The following PRKAR1B variants were observed in gnomAD, a reference collection of about 807,000 sequenced individuals.
PRKAR1B encodes the protein protein kinase cAMP-dependent type I regulatory subunit beta.
A neutral mutation model predicts 46.5 loss-of-function variants in PRKAR1B; 22 were observed. The observed-to-expected ratio is 0.47, with a 90% CI of 0.34 to 0.68. The LOEUF (loss-of-function observed/expected upper bound fraction) is 0.68, where lower values mean the gene tolerates loss of function less well. PRKAR1B is among the 30% of genes least tolerant of loss of function. The pLI is 0.01. For missense variants in PRKAR1B, 445 were observed against 535.6 expected, an observed-to-expected ratio of 0.83 and a Z score of 1.67; for synonymous variants, 259 against 217.7, an observed-to-expected ratio of 1.19 and a Z score of -1.67.
At chr7:686,564 T>C (rs1347132736) in intron 2 of PRKAR1B, among the ~76,000 whole-genome samples, 1 of 152,138 alleles carries the variant, frequency 6.6e-6, no homozygotes, top group Non-Finnish European at 1.5e-5. Context: ...AATATTGACA[T>C]GGTTGTTCTT....
rs993533263 is a variant in PRKAR1B at position 726,693 on chromosome 7, C to A, written c.-23+517G>T. 8.1e-6 allele frequency: 10 copies of A among 1,229,902 alleles called. No individual in the cohort carries two copies. In the African/African-American group the frequency reaches 1.4e-4, roughly 17 times the overall value. 76.2% of individuals were successfully genotyped at this position (1,229,902 alleles called of 1,614,324 possible). On this transcript the variant is annotated intron_variant, in intron 1 of 10. Transcript: ENST00000537384. Reference sequence around the variant, plus strand: ...CGCTGAGAGTCGCGAAAGCGCTGTTCCCCTTAGTGACCGGCGACGCGGGCA... The same window carrying A: ...CGCTGAGAGTCGCGAAAGCGCTGTTACCCTTAGTGACCGGCGACGCGGGCA...
chr7:569,311 G>A (rs552882027), intron 9 of PRKAR1B, among the ~76,000 whole-genome samples: 109 of 152,292 alleles, frequency 7.2e-4, no homozygotes, highest in Admixed American at 2.2e-3. Context: ...CCTGCCGGCC[G>A]CCCCAATTCA....
intron 9 of PRKAR1B, among the ~76,000 whole-genome samples, chr7:552,695 C>T (rs949956281): frequency 5.9e-5 from 9 of 152,228 alleles, no homozygotes; most frequent in East Asian, 1.9e-4. Flanking sequence ...GCACCTTTGC[C>T]GAGGCGAGCG....
At chr7:575,970 T>A (rs1779795351) in intron 9 of PRKAR1B, among the ~76,000 whole-genome samples, 1 of 149,234 alleles carries the variant, frequency 6.7e-6, no homozygotes, top group South Asian at 2.2e-4. Flanking sequence ...CCTCTGCTCA[T>A]GGGCAAATGT....
At chr7:700,087 TG>T in intron 2 of PRKAR1B, among the ~76,000 whole-genome samples, 1 of 152,178 alleles carries the variant, frequency 6.6e-6, no homozygotes, top group East Asian at 1.9e-4. Context: ...AAGGACAAAA[TG>T]GGGGTCCCCG....
chr7:557,343 C>G (rs1269461704), intron 9 of PRKAR1B, among the ~76,000 whole-genome samples: 1 of 152,262 alleles, frequency 6.6e-6, no homozygotes, highest in African/African-American at 2.4e-5. Context: ...ACCTGACACA[C>G]AACCATCACT....
At chr7:653,288 C>G (rs1785011304) in intron 4 of PRKAR1B, among the ~76,000 whole-genome samples, 2 of 152,164 alleles carry the variant, frequency 1.3e-5, no homozygotes, top group African/African-American at 4.8e-5. Flanking sequence ...TTCAGGAATT[C>G]AACGAGGCCT....
intron 2 of PRKAR1B, among the ~76,000 whole-genome samples, chr7:707,615 C>T (rs769668339): frequency 2.6e-5 from 4 of 152,202 alleles, no homozygotes; most frequent in South Asian, 2.1e-4. Flanking sequence ...AGGGTCTTGA[C>T]GGAGGTGAGG....
At chr7:635,113 T>G (rs1266784751) in intron 4 of PRKAR1B, among the ~76,000 whole-genome samples, 1 of 152,362 alleles carries the variant, frequency 6.6e-6, no homozygotes, top group South Asian at 2.1e-4. Context: ...GTGTGAACTA[T>G]TTTCAAGGTA....
chr7:710,659 T>C (rs1583451310), intron 2 of PRKAR1B, among the ~76,000 whole-genome samples: 1 of 149,606 alleles, frequency 6.7e-6, no homozygotes. Context: ...TTTTTTTTTT[T>C]TTTTGAGACG....
chr7:558,179 G>T (rs1045795511), intron 9 of PRKAR1B, among the ~76,000 whole-genome samples: 1 of 151,296 alleles, frequency 6.6e-6, no homozygotes, highest in African/African-American at 2.4e-5. Flanking sequence ...ACACAAAAAT[G>T]CTGGGGTGTG....
intron 4 of PRKAR1B, among the ~76,000 whole-genome samples, chr7:630,738 AGG>A (rs759036414): frequency 2.0e-5 from 3 of 152,200 alleles, no homozygotes; most frequent in Non-Finnish European, 2.9e-5. Flanking sequence ...CCTCAGGACC[AGG>A]GAGACAGACA....
intron 4 of PRKAR1B, among the ~76,000 whole-genome samples, chr7:628,724 G>A (rs531218122): frequency 2.8e-4 from 42 of 152,196 alleles, no homozygotes; most frequent in Non-Finnish European, 4.0e-4. Context: ...CGCCTACCCC[G>A]GGTAGAGTTG....
Position 560,424 on chromosome 7 carries a change from A to C in PRKAR1B, c.892-8954T>G, listed in dbSNP as rs1778714737. On this transcript the variant is annotated intron_variant, in intron 9 of 10. Transcript: ENST00000537384. The surrounding 1 kb of genome is among the most constrained non-coding windows in gnomAD (Gnocchi z 4.2). Reference sequence around the variant, plus strand: ...TTAAAAGAAACTTTGTATCACGACCATAAATGGAAACTGCTATCACTTTCC... The same window carrying C: ...TTAAAAGAAACTTTGTATCACGACCCTAAATGGAAACTGCTATCACTTTCC... 2.0e-5 allele frequency among the ~76,000 whole-genome samples: 3 copies of C among 151,936 alleles called. No homozygotes were observed. The highest frequency in any genetic ancestry group is 2.0e-4 in the Admixed American group (3 of 15,268).
intron 2 of PRKAR1B, among the ~76,000 whole-genome samples, chr7:689,307 G>A (rs1779281240): frequency 1.3e-5 from 2 of 151,774 alleles, no homozygotes; most frequent in Admixed American, 1.3e-4. Context: ...ATTTTTAGTA[G>A]AGACGGGGCT....
intron 3 of PRKAR1B, 108 bp from the exon 4 acceptor site, chr7:677,428 A>G: frequency 1.1e-6 from 1 of 896,954 alleles, no homozygotes. Flanking sequence ...AGGCAATGGT[A>G]CAAATATGCA....
intron 4 of PRKAR1B, among the ~76,000 whole-genome samples, chr7:639,724 G>A (rs1362289216): frequency 3.3e-5 from 5 of 152,090 alleles, no homozygotes; most frequent in African/African-American, 1.2e-4. Context: ...GCATGGTGGT[G>A]CAAGCATGTA....
At chr7:624,740 G>C (rs1352141281) in intron 4 of PRKAR1B, among the ~76,000 whole-genome samples, 1 of 152,192 alleles carries the variant, frequency 6.6e-6, no homozygotes. Flanking sequence ...AAACTGCAAG[G>C]AGAAACAGAC....
rs931970172 is a variant in PRKAR1B, at chr7:668,663, T to A, written c.440+8566A>T. On this transcript the variant is annotated intron_variant, in intron 4 of 10. Transcript: ENST00000537384. ...GGTCAGAGATGGAGGGCGCATGTCGTTCTGATTCTCAGGGCCAAGGGCACA... is the reference window on the plus strand; with the variant it reads ...GGTCAGAGATGGAGGGCGCATGTCGATCTGATTCTCAGGGCCAAGGGCACA... Among the ~76,000 whole-genome samples the A allele has an allele frequency of 2.0e-5, 3 of 152,190 alleles. No homozygotes were observed. In the East Asian group the frequency reaches 5.8e-4, roughly 29 times the overall value.
Sources: allele counts gnomAD v4.1 joint callset (sites outside exome capture counted in the v4.1 genomes callset), GRCh38; gene constraint gnomAD v4.1.1; non-coding constraint Gnocchi (gnomAD v3.1); transcripts MANE v1.5; gene names NCBI Gene and HGNC (gene_info 2026-07-23, HGNC 2026-07-21).